Variants in SBF2 observed in about 807,000 individuals in gnomAD.
SBF2 encodes the protein myotubularin-related protein 13.
Under a neutral mutation model 225.2 loss-of-function variants are expected in SBF2, and 112 were observed. That is an observed-to-expected ratio of 0.50 (90% CI 0.43 to 0.58). The LOEUF (loss-of-function observed/expected upper bound fraction) is 0.58. Ranked by LOEUF, SBF2 falls within the 20% of genes least tolerant of loss-of-function variation. SBF2 has a pLI of 0.00. For synonymous variants in SBF2, 763 were observed against 773.3 expected (o/e 0.99, Z 0.22); for missense variants, 1,996 against 2,206.2 (o/e 0.90, Z 1.91).
In SBF2 at chr11:10,000,999, G is replaced by A. The variant is rs1359813983; in HGVS notation, c.776C>T (p.Pro259Leu). 5.7e-6 allele frequency: 9 copies of A among 1,583,588 alleles called. No individual in the cohort carries two copies. Among genetic ancestry groups the A allele is most frequent in the East Asian group, 2.2e-5 (1 of 44,626 alleles). Residue 259 changes from proline to leucine, a missense_variant, in exon 8 of 40, where the codon CCG (proline) becomes CTG (leucine). By Grantham distance (98) the Pro-to-Leu change is moderately conservative. Coordinates refer to ENST00000256190, the MANE Select transcript of SBF2 (RefSeq NM_030962.4). ...ACTTAGAACTTCCAGTAGCTGAGCCGGGAGAATAGGGATATAAGGATAACT... is the reference window on the plus strand; with the variant it reads ...ACTTAGAACTTCCAGTAGCTGAGCCAGGAGAATAGGGATATAAGGATAACT... Reference protein sequence around the residue: ...KYSYPYIPILPAQLLEVLSSP... With the variant: ...KYSYPYIPILLAQLLEVLSSP...
intron 2 of SBF2, among the ~76,000 whole-genome samples, chr11:10,131,853 C>T (rs1402005032): frequency 6.6e-6 from 1 of 152,152 alleles, no homozygotes; most frequent in African/African-American, 2.4e-5. Context: ...AGCAAAAGTT[C>T]TTAATTTTAA....
chr11:10,217,612 A>G (rs1247106782), intron 1 of SBF2, among the ~76,000 whole-genome samples: 2 of 152,184 alleles, frequency 1.3e-5, no homozygotes, highest in African/African-American at 4.8e-5. Context: ...GTTCACTGCT[A>G]CAAGTCAGAG....
chr11:9,837,375 A>T (rs978701738), intron 26 of SBF2, among the ~76,000 whole-genome samples: 2 of 152,234 alleles, frequency 1.3e-5, no homozygotes, highest in African/African-American at 4.8e-5. Flanking sequence ...TACAGAATTT[A>T]CATAAATAAA....
At chr11:9,810,093 T>C (rs1357739452) in intron 30 of SBF2, among the ~76,000 whole-genome samples, 2 of 152,040 alleles carry the variant, frequency 1.3e-5, no homozygotes, top group Non-Finnish European at 2.9e-5. Flanking sequence ...CTGGGCAACA[T>C]GGCAAAACCC....
chr11:10,037,281 T>C (rs920407229), intron 3 of SBF2, among the ~76,000 whole-genome samples: 2 of 152,162 alleles, frequency 1.3e-5, no homozygotes, highest in African/African-American at 4.8e-5. Context: ...AAACTCAGAA[T>C]ACACAAGTCT....
At chr11:9,829,567 T>TCTATCTAC in intron 27 of SBF2, 71 bp from the exon 28 acceptor site, 2 of 1,275,832 alleles carry the variant, frequency 1.6e-6, no homozygotes, top group Non-Finnish European at 2.3e-6. Context: ...TATCTATCTA[T>TCTATCTAC]CTATCTACCT....
chr11:9,997,679 G>C (rs1163412213), intron 9 of SBF2, among the ~76,000 whole-genome samples: 1 of 152,226 alleles, frequency 6.6e-6, no homozygotes, highest in Non-Finnish European at 1.5e-5. Flanking sequence ...TCGGGAGGCT[G>C]AGGCAGGAGA....
intron 17 of SBF2, among the ~76,000 whole-genome samples, chr11:9,869,296 A>G (rs1022473641): frequency 6.6e-6 from 1 of 152,142 alleles, no homozygotes; most frequent in Non-Finnish European, 1.5e-5. Context: ...CAAAAAATCT[A>G]TCCATAAGAG....
chr11:10,216,748 T>C (rs1958147788), intron 1 of SBF2, among the ~76,000 whole-genome samples: 2 of 152,160 alleles, frequency 1.3e-5, no homozygotes, highest in Admixed American at 6.5e-5. Context: ...CGGGCCCCTG[T>C]AATCCCAGCT....
At chr11:9,987,345 T>C (rs1386262786) in intron 13 of SBF2, among the ~76,000 whole-genome samples, 1 of 152,132 alleles carries the variant, frequency 6.6e-6, no homozygotes, top group Non-Finnish European at 1.5e-5. Context: ...GTTGAAAGCA[T>C]TCCCTCTGAG....
chr11:9,993,231 T>A (rs1316705643), intron 10 of SBF2, 128 bp from the exon 11 acceptor site: 2 of 682,340 alleles, frequency 2.9e-6, no homozygotes, highest in Non-Finnish European at 5.1e-6. Context: ...ACAATTACAG[T>A]CACAACCAAA....
intron 16 of SBF2, chr11:9,959,551 T>A (rs995756014): frequency 2.6e-6 from 2 of 777,722 alleles, no homozygotes; most frequent in African/African-American, 3.4e-5. Context: ...GTGGAAGGGG[T>A]CCCAAAACAT....
intron 2 of SBF2, among the ~76,000 whole-genome samples, chr11:10,104,902 C>T (rs191688110): frequency 6.6e-6 from 1 of 152,170 alleles, no homozygotes; most frequent in Non-Finnish European, 1.5e-5. Context: ...CTCTTCTTCA[C>T]TGAGTATTAA....
intron 13 of SBF2, among the ~76,000 whole-genome samples, chr11:9,975,570 C>T (rs899133226): frequency 1.1e-4 from 16 of 152,106 alleles, no homozygotes; most frequent in African/African-American, 3.9e-4. Context: ...TGTATGACTT[C>T]ATGCATTTGT....
At chr11:10,049,226 T>C (rs964131217) in intron 2 of SBF2, among the ~76,000 whole-genome samples, 1 of 152,198 alleles carries the variant, frequency 6.6e-6, no homozygotes, top group African/African-American at 2.4e-5. Flanking sequence ...TTGGAAAAGA[T>C]GGTTATTTTT....
intron 16 of SBF2, among the ~76,000 whole-genome samples, chr11:9,900,745 T>G (rs1861658514): frequency 6.6e-6 from 1 of 152,204 alleles, no homozygotes. Flanking sequence ...AAAAAATTTT[T>G]TTTAAATGTT....
chr11:9,789,010 TA>T, intron 35 of SBF2, 98 bp downstream of exon 35: 1 of 988,760 alleles, frequency 1.0e-6, no homozygotes, highest in Non-Finnish European at 1.6e-6. Context: ...TAGCTCAGAG[TA>T]AGGAGAGCCA....
chr11:10,055,224 C>CA (rs1190184496), intron 2 of SBF2, among the ~76,000 whole-genome samples: 5 of 151,502 alleles, frequency 3.3e-5, no homozygotes, highest in South Asian at 2.1e-4. Flanking sequence ...ATTAAAAAGT[C>CA]AAAAAAACAA....
At chr11:10,057,414 G>T (rs1013405214) in intron 2 of SBF2, among the ~76,000 whole-genome samples, 31 of 152,166 alleles carry the variant, frequency 2.0e-4, no homozygotes, top group Admixed American at 2.0e-3. Flanking sequence ...TCCAACAAGT[G>T]GCAGCTGACC....
Sources: gnomAD v4.1 joint callset for allele counts (sites outside exome capture counted in the v4.1 genomes callset) on GRCh38, gnomAD v4.1.1 for gene constraint, MANE v1.5 for transcripts, NCBI Gene and HGNC (gene_info 2026-07-23, HGNC 2026-07-21) for gene names.